The following RUFY3 variants were observed in gnomAD, a reference collection of about 807,000 sequenced individuals.
The protein encoded by RUFY3 is RUN and FYVE domain containing 3.
RUFY3 carries 34 observed loss-of-function variants against 84.0 expected under a neutral mutation model. The observed-to-expected ratio is 0.40, with a 90% CI of 0.31 to 0.54. The LOEUF is 0.54. RUFY3 is among the 20% of genes least tolerant of loss of function. RUFY3 has a pLI of 0.39. For synonymous variants in RUFY3, 242 were observed against 252.9 expected (o/e 0.96, Z 0.41); for missense variants, 507 against 736.8 (o/e 0.69, Z 3.61).
chr4:70,772,786 G>A (rs1217741819), intron 5 of RUFY3, among the ~76,000 whole-genome samples: 3 of 151,864 alleles, frequency 2.0e-5, no homozygotes, highest in East Asian at 1.9e-4. Flanking sequence ...TCAGCCTCCC[G>A]AGTAGCTGGG....
intron 1 of RUFY3, among the ~76,000 whole-genome samples, chr4:70,737,015 C>G (rs897697412): frequency 6.6e-6 from 1 of 152,140 alleles, no homozygotes; most frequent in Non-Finnish European, 1.5e-5. Context: ...AATTTTTATA[C>G]ACATTGCCAA....
intron 8 of RUFY3, among the ~76,000 whole-genome samples, 157 bp downstream of exon 8, chr4:70,778,595 T>G (rs921882840): frequency 4.8e-5 from 7 of 146,958 alleles, no homozygotes; most frequent in African/African-American, 1.8e-4. Context: ...TTTTTTTTTT[T>G]TGAGATGGAG....
At chr4:70,736,441 T>C (rs1720312065) in intron 1 of RUFY3, among the ~76,000 whole-genome samples, 1 of 152,224 alleles carries the variant, frequency 6.6e-6, no homozygotes, top group Non-Finnish European at 1.5e-5. Flanking sequence ...TTTATACATG[T>C]AAGATCATAC....
chr4:70,783,331 G>T, intron 9 of RUFY3, 148 bp downstream of exon 9: 1 of 636,126 alleles, frequency 1.6e-6, no homozygotes, highest in Non-Finnish European at 2.8e-6. Context: ...TGTGATGAAG[G>T]TTGTGGGAGG....
At chr4:70,794,072 C>G (rs897602064) in intron 13 of RUFY3, among the ~76,000 whole-genome samples, 168 bp downstream of exon 13, 2 of 152,136 alleles carry the variant, frequency 1.3e-5, no homozygotes, top group Non-Finnish European at 2.9e-5. Context: ...TTCCCCAAAT[C>G]CGATCAACAT....
intron 10 of RUFY3, among the ~76,000 whole-genome samples, chr4:70,787,187 A>AAAAAATATATATAT (rs1553920475): frequency 1.2e-5 from 1 of 81,476 alleles, no homozygotes; most frequent in African/African-American, 5.2e-5. Flanking sequence ...AAAAAAAAAA[A>AAAAAATATATATAT]ATATATATAT....
At chr4:70,717,339 A>C (rs1279975417), upstream of RUFY3, among the ~76,000 whole-genome samples, 1 of 152,162 alleles carries the variant, frequency 6.6e-6, no homozygotes, top group Non-Finnish European at 1.5e-5. Flanking sequence ...CCAAGTACAT[A>C]GTGGAAGCAT....
chr4:70,790,780 T>G (rs1730680824), intron 12 of RUFY3, among the ~76,000 whole-genome samples: 1 of 152,206 alleles, frequency 6.6e-6, no homozygotes, highest in Non-Finnish European at 1.5e-5. Context: ...AAGCATTCAT[T>G]CAGTAGATAT....
chr4:70,802,749 G>T, intron 15 of RUFY3: 2 of 456,056 alleles, frequency 4.4e-6, no homozygotes, highest in Non-Finnish European at 7.7e-6. Context: ...TAAGTCAAGG[G>T]TCAGATTCTA....
rs1256051859 is a variant in RUFY3 at position 70,789,797 on chromosome 4, A to G, written c.1337+205A>G. On this transcript the variant is annotated intron_variant, in intron 12 of 17. Transcript: ENST00000381006. ...TTTAGGAAATGTCAATCACTTGACT[A>G]GCCTTTAAAAAAAAAAAAGAAAGGT... 3.6e-5 allele frequency: 44 copies of G among 1,215,584 alleles called. No homozygotes were observed. In the South Asian group the frequency reaches 7.3e-4, roughly 20 times the overall value. 75.3% of individuals were successfully genotyped at this position (1,215,584 alleles called of 1,614,324 possible).
rs193104778 is a variant in RUFY3 at position 70,805,278 on chromosome 4, C to G, written c.1719+862C>G. ...CCTGCTAGACCACTTGTTTTCCACC[C>G]GATCCTCAAGGGTGCCTGCCTGAGC... On this transcript the variant is annotated intron_variant, in intron 17 of 17. Transcript: ENST00000381006. Among the ~76,000 whole-genome samples, 6 of 152,284 alleles carry G rather than the reference C, an allele frequency of 3.9e-5. 1 individual carries two copies. The highest frequency in any genetic ancestry group is 1.4e-4 in the African/African-American group (6 of 41,558).
At chr4:70,801,048 T>C (rs938266642) in intron 15 of RUFY3, among the ~76,000 whole-genome samples, 1 of 152,070 alleles carries the variant, frequency 6.6e-6, no homozygotes, top group South Asian at 2.1e-4. Context: ...AAGCTGACTT[T>C]TTATAGTTAT....
intron 11 of RUFY3, 152 bp from the exon 12 acceptor site, chr4:70,789,343 A>T (rs1415624787): frequency 4.0e-6 from 3 of 752,166 alleles, no homozygotes; most frequent in Non-Finnish European, 6.3e-6. Flanking sequence ...CTAACTTTAG[A>T]TAAATTGCTT....
intron 14 of RUFY3, among the ~76,000 whole-genome samples, chr4:70,798,212 T>G (rs1253819026): frequency 6.6e-6 from 1 of 150,888 alleles, no homozygotes; most frequent in African/African-American, 2.4e-5. Flanking sequence ...TACAAAAAAA[T>G]TTAAAAATTA....
chr4:70,724,532 T>C (rs1717905606), intron 1 of RUFY3, among the ~76,000 whole-genome samples: 3 of 152,210 alleles, frequency 2.0e-5, no homozygotes, highest in African/African-American at 7.2e-5. Context: ...TAGCAACACA[T>C]TTCTCAGTAT....
At chr4:70,708,704 A>G (rs896776395) in intron 1 of RUFY3, among the ~76,000 whole-genome samples, 2 of 152,190 alleles carry the variant, frequency 1.3e-5, no homozygotes, top group Non-Finnish European at 2.9e-5. Context: ...TAAATTTTAC[A>G]TTTGAGTTCA....
At chr4:70,784,355 C>T (rs1031839619) in intron 9 of RUFY3, among the ~76,000 whole-genome samples, 8 of 152,098 alleles carry the variant, frequency 5.3e-5, no homozygotes, top group African/African-American at 7.2e-5. Context: ...TGGTGGCGCA[C>T]GCCTATAATC....
At chr4:70,793,991 C>G (rs953200762) in intron 13 of RUFY3, 87 bp downstream of exon 13, 48 of 1,471,624 alleles carry the variant, frequency 3.3e-5, no homozygotes, top group Middle Eastern at 2.3e-4. Context: ...TGACTTCCAG[C>G]CAGGTTGGCT....
At chr4:70,793,760 A>T in intron 12 of RUFY3, 25 bp from the exon 13 acceptor site, 1 of 1,613,586 alleles carries the variant, frequency 6.2e-7, no homozygotes, top group South Asian at 1.1e-5. Flanking sequence ...GTTTTTTATC[A>T]CAAGTTCATG....
Sources: gnomAD v4.1 joint callset for allele counts (sites outside exome capture counted in the v4.1 genomes callset) on GRCh38, gnomAD v4.1.1 for gene constraint, MANE v1.5 for transcripts, NCBI Gene and HGNC (gene_info 2026-07-23, HGNC 2026-07-21) for gene names.